The following NRXN3 variants were observed in gnomAD, a reference collection of about 807,000 sequenced individuals.
NRXN3 encodes the protein neurexin III.
A neutral mutation model predicts 137.6 loss-of-function variants in NRXN3; 32 were observed. The ratio of observed to expected loss-of-function variants is 0.23; its 90% CI spans 0.18 to 0.31. NRXN3 has a LOEUF of 0.31. Among genes scored for constraint, NRXN3 ranks in the 10% least tolerant of loss-of-function variants. The pLI is 1.00. For missense variants in NRXN3, 1,574 were observed against 2,062.5 expected (o/e 0.76, Z 4.59); for synonymous variants, 798 against 784.5 (o/e 1.02, Z -0.29).
At chr14:79,796,821 T>TA (rs1322415412) in intron 19 of NRXN3, among the ~76,000 whole-genome samples, 1 of 152,200 alleles carries the variant, frequency 6.6e-6, no homozygotes, top group East Asian at 1.9e-4. Context: ...GAGTGGGTGA[T>TA]ACGATTTGCT....
intron 15 of NRXN3, among the ~76,000 whole-genome samples, chr14:79,034,915 A>G (rs2099613682): frequency 6.6e-6 from 1 of 152,104 alleles, no homozygotes; most frequent in South Asian, 2.1e-4. Context: ...ATTCCAAGCA[A>G]ATGCTCTGGA....
At chr14:79,321,646 A>G (rs1261237939) in intron 15 of NRXN3, among the ~76,000 whole-genome samples, 1 of 151,772 alleles carries the variant, frequency 6.6e-6, no homozygotes, top group Non-Finnish European at 1.5e-5. Flanking sequence ...ATACATACAC[A>G]TATATGTGTA....
At chr14:79,573,848 T>G (rs1403493405) in intron 16 of NRXN3, among the ~76,000 whole-genome samples, 1 of 152,132 alleles carries the variant, frequency 6.6e-6, no homozygotes, top group African/African-American at 2.4e-5. Flanking sequence ...TACAGAATAC[T>G]AAGTGGTTTC....
At chr14:78,899,147 T>C (rs572716682) in intron 10 of NRXN3, among the ~76,000 whole-genome samples, 2 of 152,034 alleles carry the variant, frequency 1.3e-5, no homozygotes, top group East Asian at 3.9e-4. Flanking sequence ...AAAACAATTA[T>C]CCCTTTGTAT....
chr14:79,485,104 CTCTAATT>C (rs1210201008), intron 16 of NRXN3, among the ~76,000 whole-genome samples: 1 of 151,282 alleles, frequency 6.6e-6, no homozygotes, highest in Non-Finnish European at 1.5e-5. Flanking sequence ...TTTGGTTGTT[CTCTAATT>C]AGGGGTCTTT....
chr14:79,726,505 T>C (rs2098890591), intron 19 of NRXN3, among the ~76,000 whole-genome samples: 1 of 152,180 alleles, frequency 6.6e-6, no homozygotes, highest in Non-Finnish European at 1.5e-5. Context: ...CTACCTTGAA[T>C]ACAAAGCACA....
chr14:79,018,606 T>G (rs2099583765), intron 15 of NRXN3, among the ~76,000 whole-genome samples: 1 of 152,170 alleles, frequency 6.6e-6, no homozygotes, highest in Admixed American at 6.5e-5. Flanking sequence ...TCTCTCACTC[T>G]CCTTTACAGA....
At chr14:79,738,686 G>A (rs1403687972) in intron 19 of NRXN3, among the ~76,000 whole-genome samples, 3 of 152,076 alleles carry the variant, frequency 2.0e-5, no homozygotes, top group Non-Finnish European at 4.4e-5. Flanking sequence ...AGCCTCCCAA[G>A]TAGCTGGGAT....
At chr14:78,633,437 T>C (rs2097540697) in intron 4 of NRXN3, among the ~76,000 whole-genome samples, 1 of 152,194 alleles carries the variant, frequency 6.6e-6, no homozygotes, top group African/African-American at 2.4e-5. Context: ...GCATCCATTT[T>C]AGAGAACTCT....
At chr14:79,037,542 A>G (rs545728034) in intron 15 of NRXN3, among the ~76,000 whole-genome samples, 1 of 152,264 alleles carries the variant, frequency 6.6e-6, no homozygotes, top group Non-Finnish European at 1.5e-5. Context: ...CTGCAAAGGC[A>G]TTTTAATTCT....
intron 15 of NRXN3, among the ~76,000 whole-genome samples, chr14:79,045,776 C>T (rs1178136815): frequency 1.3e-5 from 2 of 152,174 alleles, no homozygotes; most frequent in African/African-American, 4.8e-5. Context: ...CCAGTTGCCG[C>T]TTGGTGTGTA....
chr14:78,962,923 A>G (rs750831645), intron 11 of NRXN3, among the ~76,000 whole-genome samples: 3 of 152,112 alleles, frequency 2.0e-5, no homozygotes, highest in Non-Finnish European at 4.4e-5. Flanking sequence ...CATGTTAGCC[A>G]GGATGGTCTC....
intron 15 of NRXN3, among the ~76,000 whole-genome samples, chr14:79,119,955 T>A (rs1215316165): frequency 1.3e-5 from 2 of 152,186 alleles, no homozygotes; most frequent in East Asian, 3.8e-4. Flanking sequence ...TATACTCTAT[T>A]GTATTCATAT....
At chr14:78,608,220 G>A (rs922671837) in intron 4 of NRXN3, among the ~76,000 whole-genome samples, 2 of 152,238 alleles carry the variant, frequency 1.3e-5, no homozygotes, top group African/African-American at 2.4e-5. Context: ...AGGACACAAC[G>A]GAGTCTTTGA....
At chr14:79,335,096 C>T (rs1486710081) in intron 15 of NRXN3, among the ~76,000 whole-genome samples, 2 of 152,096 alleles carry the variant, frequency 1.3e-5, no homozygotes, top group African/African-American at 4.8e-5. Context: ...GCAAAAAGCT[C>T]AGCAGTGACA....
At chr14:78,331,483 A>G (rs934250025) in intron 4 of NRXN3, among the ~76,000 whole-genome samples, 2 of 152,234 alleles carry the variant, frequency 1.3e-5, no homozygotes, top group Non-Finnish European at 2.9e-5. Flanking sequence ...GCAAAGCATC[A>G]TGGGGGCAGA....
intron 19 of NRXN3, among the ~76,000 whole-genome samples, chr14:79,749,606 T>C (rs781135813): frequency 1.6e-4 from 25 of 152,010 alleles, no homozygotes; most frequent in Non-Finnish European, 3.2e-4. Flanking sequence ...GAAACAACCT[T>C]GCCATTTGCC....
chr14:79,728,453 C>T (rs1376613673), intron 19 of NRXN3, among the ~76,000 whole-genome samples: 1 of 152,178 alleles, frequency 6.6e-6, no homozygotes, highest in Non-Finnish European at 1.5e-5. Flanking sequence ...TGCTTCCTCT[C>T]ATGAGGAGAA....
At chr14:78,863,882 T>C (rs2099079597) in intron 10 of NRXN3, among the ~76,000 whole-genome samples, 1 of 152,166 alleles carries the variant, frequency 6.6e-6, no homozygotes, top group African/African-American at 2.4e-5. Context: ...AATGGTTTAA[T>C]TGAAATTCTT....
Sources: gnomAD v4.1 joint callset for allele counts (sites outside exome capture counted in the v4.1 genomes callset) on GRCh38, gnomAD v4.1.1 for gene constraint, MANE v1.5 for transcripts, NCBI Gene and HGNC (gene_info 2026-07-23, HGNC 2026-07-21) for gene names.